The following TMIGD3 variants were observed in gnomAD, a reference collection of about 807,000 sequenced individuals.
TMIGD3 encodes the protein AD026 protein (AD026).
In TMIGD3, 21 loss-of-function variants were observed where a neutral mutation model predicts 28.1. The observed-to-expected ratio is 0.75, with a 90% CI of 0.53 to 1.08. TMIGD3 has a LOEUF of 1.08. Ranked by LOEUF, TMIGD3 falls within the 50% of genes least tolerant of loss-of-function variation. The pLI is 0.00. For missense variants in TMIGD3, 416 were observed against 435.6 expected (o/e 0.96, Z 0.40); for synonymous variants, 151 against 162.1 (o/e 0.93, Z 0.52).
chr1:111,549,812 C>A (rs115511217), intron 1 of TMIGD3, among the ~76,000 whole-genome samples: 1,590 of 152,188 alleles, frequency 0.01, 23 homozygotes, highest in African/African-American at 0.036. Context: ...CCATGCTCAG[C>A]TAATCTTTTT....
At chr1:111,494,509 G>T (rs921982657) in intron 1 of TMIGD3, among the ~76,000 whole-genome samples, 2 of 152,174 alleles carry the variant, frequency 1.3e-5, no homozygotes, top group Admixed American at 1.3e-4. Context: ...TACCAGGGAG[G>T]TGAAAGATCT....
At position 111,486,589 on chromosome 1, in the gene TMIGD3, G is replaced by A. The variant is rs1326820555; in HGVS notation, c.869C>T (p.Ser290Phe). ...ATCCGCCAAGACTATGACTCACCTG[G>A]AGCGGTCAGCCTTGCGGACAACTTT... ...APKVVRKADR[S>F]RTSILIICIL... Residue 290 changes from serine (S) to phenylalanine (F), a missense_variant, in exon 4 of 6, where the codon TCC becomes TTC. By Grantham distance (155) the Ser-to-Phe change is radical. Transcript: ENST00000369716. The A allele has an allele frequency of 6.2e-7, 1 of 1,612,894 alleles. No individual in the cohort carries two copies. Among genetic ancestry groups the A allele is most frequent in the Non-Finnish European group, 8.5e-7 (1 of 1,179,326 alleles).
At chr1:111,504,320 A>G (rs1655398864), upstream of TMIGD3, among the ~76,000 whole-genome samples, 1 of 152,204 alleles carries the variant, frequency 6.6e-6, no homozygotes, top group African/African-American at 2.4e-5. Flanking sequence ...GACCAGACAT[A>G]CAGAAAGAAG....
rs998787287 is a variant in TMIGD3, at chr1:111,485,716, C to G, written c.973+24G>C. The G allele has an allele frequency of 3.3e-6, 4 of 1,204,218 alleles. No homozygotes were observed. In the African/African-American group the frequency reaches 4.6e-5, roughly 14 times the overall value. The allele number at this position is 1,204,218 out of a possible 1,614,324, so 74.6% of individuals were successfully genotyped here. Reference sequence around the variant, plus strand: ...CATTTTCTCTAATTCTTGCCCACCCCCTCCCTCAACAATAGCTACTTACCC... The same window carrying G: ...CATTTTCTCTAATTCTTGCCCACCCGCTCCCTCAACAATAGCTACTTACCC... On this transcript the variant is annotated intron_variant, in intron 5 of 5. Coordinates refer to ENST00000369716, the MANE Select transcript of TMIGD3 (RefSeq NM_020683.7).
intron 1 of TMIGD3, among the ~76,000 whole-genome samples, chr1:111,491,751 CT>C (rs1297996387): frequency 6.6e-6 from 1 of 152,144 alleles, no homozygotes. Flanking sequence ...TCAAAAGGGA[CT>C]TAAGAGACAT....
chr1:111,518,200 A>G (rs1571430589), intron 1 of TMIGD3, among the ~76,000 whole-genome samples: 2 of 152,366 alleles, frequency 1.3e-5, no homozygotes, highest in East Asian at 3.9e-4. Context: ...TAAGACAGAC[A>G]TGGATGGTCT....
chr1:111,554,039 A>C (rs550348782), intron 1 of TMIGD3, among the ~76,000 whole-genome samples: 1 of 152,398 alleles, frequency 6.6e-6, no homozygotes, highest in South Asian at 2.1e-4. Context: ...TGGAATGGTT[A>C]CGTGCATATG....
chr1:111,542,247 G>C (rs1196399389), intron 1 of TMIGD3: 1 of 608,584 alleles, frequency 1.6e-6, no homozygotes, highest in Admixed American at 1.9e-5. Flanking sequence ...AAACACTGGC[G>C]GCACATATTG....
intron 1 of TMIGD3, among the ~76,000 whole-genome samples, chr1:111,520,587 G>T (rs1404437631): frequency 6.6e-6 from 1 of 152,192 alleles, no homozygotes; most frequent in African/African-American, 2.4e-5. Context: ...GTAACTAAGA[G>T]ACTGTTTTGG....
At chr1:111,548,953 A>G (rs1352588017) in intron 1 of TMIGD3, among the ~76,000 whole-genome samples, 1 of 152,334 alleles carries the variant, frequency 6.6e-6, no homozygotes, top group East Asian at 1.9e-4. Context: ...GACATGTTAT[A>G]AGTTAGTACA....
chr1:111,488,151 G>A (rs796572013), intron 3 of TMIGD3, among the ~76,000 whole-genome samples: 2 of 152,110 alleles, frequency 1.3e-5, no homozygotes, highest in Middle Eastern at 3.4e-3. Context: ...TACCAGGCAC[G>A]TGGGTCATTT....
chr1:111,490,474 C>T (rs1571401436), intron 2 of TMIGD3, 182 bp downstream of exon 2: 1 of 580,784 alleles, frequency 1.7e-6, no homozygotes, highest in Non-Finnish European at 3.1e-6. Flanking sequence ...ACTCTCTTAT[C>T]TGAGCTAAGA....
chr1:111,533,359 A>G (rs754916531), intron 1 of TMIGD3, among the ~76,000 whole-genome samples: 2 of 152,220 alleles, frequency 1.3e-5, no homozygotes, highest in Non-Finnish European at 2.9e-5. Flanking sequence ...TCCTTAATGG[A>G]ATTTAAAAAT....
At chr1:111,515,776 G>A (rs893115768) in intron 1 of TMIGD3, among the ~76,000 whole-genome samples, 5 of 152,136 alleles carry the variant, frequency 3.3e-5, no homozygotes, top group African/African-American at 1.2e-4. Flanking sequence ...CGGGACTGTC[G>A]ACCTGATTCA....
chr1:111,530,789 T>G (rs1656433226), intron 1 of TMIGD3, among the ~76,000 whole-genome samples: 1 of 152,260 alleles, frequency 6.6e-6, no homozygotes. Flanking sequence ...ATGATGTTTC[T>G]TGATGTAATT....
At chr1:111,509,148 C>A (rs1357933361) in intron 1 of TMIGD3, among the ~76,000 whole-genome samples, 1 of 152,192 alleles carries the variant, frequency 6.6e-6, no homozygotes, top group Non-Finnish European at 1.5e-5. Flanking sequence ...CTCCTGGTCT[C>A]CTCGCTTAAG....
intron 1 of TMIGD3, among the ~76,000 whole-genome samples, chr1:111,560,152 A>T (rs541075133): frequency 6.6e-6 from 1 of 152,334 alleles, no homozygotes; most frequent in Non-Finnish European, 1.5e-5. Context: ...ATTGTCTAGC[A>T]TTCTCTTAGC....
intron 1 of TMIGD3, among the ~76,000 whole-genome samples, chr1:111,549,966 T>C (rs1657196509): frequency 1.3e-5 from 2 of 152,168 alleles, no homozygotes; most frequent in Non-Finnish European, 2.9e-5. Flanking sequence ...TTTGGGTTTT[T>C]TTGTTGGAAG....
intron 1 of TMIGD3, among the ~76,000 whole-genome samples, chr1:111,508,722 C>T (rs1655595421): frequency 6.6e-6 from 1 of 152,216 alleles, no homozygotes; most frequent in South Asian, 2.1e-4. Context: ...CAAAGCTCCT[C>T]CCACAATCAA....
Sources: gnomAD v4.1 joint callset for allele counts (sites outside exome capture counted in the v4.1 genomes callset) on GRCh38, gnomAD v4.1.1 for gene constraint, MANE v1.5 for transcripts, NCBI Gene and HGNC (gene_info 2026-07-23, HGNC 2026-07-21) for gene names.